ABCB5: variants seen among roughly 807,000 people sequenced by gnomAD.
ABCB5 encodes the protein ATP-binding cassette sub-family B member 5.
In ABCB5, 155 loss-of-function variants were observed where a neutral mutation model predicts 144.2. The observed-to-expected ratio is 1.08, with a 90% confidence interval of 0.94 to 1.23. The LOEUF is 1.23. Among genes scored for constraint, ABCB5 ranks in the 50% most tolerant of loss-of-function variants. The pLI is 0.00. For missense variants in ABCB5, 1,830 were observed against 1,520.8 expected (o/e 1.20, Z -3.38); for synonymous variants, 610 against 528.6 (o/e 1.15, Z -2.11).
At position 20,628,746 on chromosome 7, in the gene ABCB5, T is replaced by TGG. The variant is rs763315019; in HGVS notation, c.168_169dup (p.Val57GlyfsTer9). 4 of 1,613,580 alleles carry TGG rather than the reference T, an allele frequency of 2.5e-6. No homozygotes were observed. In the East Asian group the frequency reaches 8.9e-5, roughly 36 times the overall value. ...ATGATCCTGGGTATACTGGCATCACTGGTCAATGGAGCCTGCCTTCCTTTA... is the reference window on the plus strand; with the variant it reads ...ATGATCCTGGGTATACTGGCATCACTGGGGTCAATGGAGCCTGCCTTCCTTTA... On this transcript the variant is annotated frameshift_variant, in exon 4 of 28. Coordinates refer to ENST00000404938, the MANE Select transcript of ABCB5 (RefSeq NM_001163941.2). LOFTEE classifies it high-confidence loss of function.
intron 12 of ABCB5, 111 bp from the exon 13 acceptor site, chr7:20,651,309 T>A: frequency 1.0e-6 from 1 of 980,188 alleles, no homozygotes. Flanking sequence ...TAGTCAGTCT[T>A]TGATTTCTAA....
chr7:20,755,711 A>G lies in ABCB5; in HGVS notation c.*87A>G. ...TACTTGGCAAGCTTTGATCTCTTTTATTGCATATATCAATACCTAGAATCA... is the reference window on the plus strand; with the variant it reads ...TACTTGGCAAGCTTTGATCTCTTTTGTTGCATATATCAATACCTAGAATCA... On this transcript the variant is annotated 3_prime_UTR_variant, in exon 28 of 28. Coordinates refer to ENST00000404938, the MANE Select transcript of ABCB5 (RefSeq NM_001163941.2). 8.4e-7 allele frequency: 1 copy of G among 1,185,008 alleles called. No individual in the cohort carries two copies. Among genetic ancestry groups the G allele is most frequent in the Admixed American group, 1.9e-5 (1 of 52,324 alleles). The allele number at this position is 1,185,008 out of a possible 1,614,324, so 73.4% of individuals were successfully genotyped here.
Position 20,743,016 on chromosome 7 carries a change from G to C in ABCB5, c.3164G>C (p.Gly1055Ala). ...TVAFVGSSGC[G>A]KSTSVQLLQR... is the part of the protein sequence containing the mutation. ...GCATTTGTGGGGAGCAGCGGCTGTG[G>C]GAAAAGCACTTCTGTTCAACTTCTG... The change falls in exon 25 of 28, where the codon GGG (glycine) becomes GCG (alanine). Residue 1055 changes from glycine (G) to alanine (A), a missense_variant. By Grantham distance (60) the Gly-to-Ala change is moderately conservative (BLOSUM62 0). Coordinates refer to ENST00000404938, the MANE Select transcript of ABCB5 (RefSeq NM_001163941.2). The C allele has an allele frequency of 6.2e-7, 1 of 1,614,100 alleles. No homozygotes were observed. Among genetic ancestry groups the C allele is most frequent in the South Asian group, 1.1e-5 (1 of 91,078 alleles).
chr7:20,731,011 T>A (rs1319955117), intron 23 of ABCB5, among the ~76,000 whole-genome samples: 1 of 152,120 alleles, frequency 6.6e-6, no homozygotes, highest in East Asian at 1.9e-4. Context: ...TCTGTTTTCA[T>A]CAATTTCTCT....
chr7:20,666,893 A>G, intron 14 of ABCB5: 1 of 1,332,068 alleles, frequency 7.5e-7, no homozygotes, highest in Admixed American at 3.8e-5. Flanking sequence ...GCATCAGCTC[A>G]AATTTTCCTG....
In ABCB5 at chr7:20,650,154, G is replaced by A. The variant is rs899491318; in HGVS notation, c.1332+7G>A. 16 of 1,613,188 alleles carry A rather than the reference G, an allele frequency of 9.9e-6. No individual in the cohort carries two copies. Among genetic ancestry groups the A allele is most frequent in the Non-Finnish European group, 1.4e-5 (16 of 1,179,368 alleles). On this transcript the variant is annotated splice_region_variant and intron_variant, in intron 12 of 27. Coordinates refer to ENST00000404938, the MANE Select transcript of ABCB5 (RefSeq NM_001163941.2). ...TGATCCGGATGATGGCTTTGTAAGT[G>A]CAGCTAGCAAAACCATGCACAGTCC...
At chr7:20,619,840 A>G (rs1783770965) in intron 1 of ABCB5, among the ~76,000 whole-genome samples, 1 of 152,258 alleles carries the variant, frequency 6.6e-6, no homozygotes, top group Non-Finnish European at 1.5e-5. Flanking sequence ...ATCAATCTTG[A>G]GTTAATTTTT....
rs565644935 is a variant in ABCB5 at position 20,751,516 on chromosome 7, T to C, written c.3430-1844T>C. 2.6e-5 allele frequency among the ~76,000 whole-genome samples: 4 copies of C among 152,144 alleles called. No homozygotes were observed. In the South Asian group the frequency reaches 6.2e-4, roughly 24 times the overall value. ...ATTTAAAAAAATTAAAAAACCTTCA[T>C]CCAATATGTTCTTTAAACTTACACT... is the stretch of plus-strand genomic sequence containing the variant. On this transcript the variant is annotated intron_variant, in intron 26 of 27. Transcript: ENST00000404938.
intron 16 of ABCB5, among the ~76,000 whole-genome samples, chr7:20,688,023 C>A (rs1786059495): frequency 6.6e-6 from 1 of 152,188 alleles, no homozygotes; most frequent in South Asian, 2.1e-4. Flanking sequence ...GAAACCCTGC[C>A]TCTACTAAAA....
rs528049586 is a variant in ABCB5, at chr7:20,702,442, T to G, written c.2338-2282T>G. On this transcript the variant is annotated intron_variant, in intron 19 of 27. Coordinates refer to ENST00000404938, the MANE Select transcript of ABCB5 (RefSeq NM_001163941.2). The stretch of plus-strand genomic sequence containing the variant: ...GTCCTGGAGCATGAGAAACAGGTCA[T>G]GAAACTCAGCTGTAATTCTTCAGTC... Among the ~76,000 whole-genome samples the G allele has an allele frequency of 5.9e-5, 9 of 152,214 alleles. No individual in the cohort carries two copies. The South Asian group carries it at 1.9e-3, about 32-fold the overall frequency.
At chr7:20,722,963 T>C (rs904604958) in intron 20 of ABCB5, 53 bp from the exon 21 acceptor site, 2 of 1,535,472 alleles carry the variant, frequency 1.3e-6, no homozygotes, top group South Asian at 1.1e-5. Context: ...ATAGGAACTC[T>C]TGTAAATGTA....
intron 14 of ABCB5, chr7:20,659,259 G>C: frequency 6.6e-7 from 1 of 1,506,192 alleles, no homozygotes; most frequent in Non-Finnish European, 8.8e-7. Context: ...TAGGAGGGGA[G>C]TTGGCAGTGG....
chr7:20,730,960 G>T (rs541013209), intron 23 of ABCB5, among the ~76,000 whole-genome samples: 2 of 152,048 alleles, frequency 1.3e-5, no homozygotes, highest in Admixed American at 6.5e-5. Flanking sequence ...ACTAATGTAC[G>T]AGGTTTGATG....
intron 5 of ABCB5, among the ~76,000 whole-genome samples, chr7:20,634,051 C>T (rs1016625515): frequency 6.6e-6 from 1 of 151,964 alleles, no homozygotes; most frequent in African/African-American, 2.4e-5. Context: ...TCTCCAATGT[C>T]TATTATTCCA....
At chr7:20,715,726 C>CTT (rs374393822) in intron 20 of ABCB5, among the ~76,000 whole-genome samples, 32 of 138,774 alleles carry the variant, frequency 2.3e-4, no homozygotes, top group African/African-American at 4.8e-4. Context: ...GAGCTATAAT[C>CTT]TTTTTTTTTT....
At chr7:20,628,377 A>G (rs1416193246) in intron 3 of ABCB5, among the ~76,000 whole-genome samples, 2 of 152,106 alleles carry the variant, frequency 1.3e-5, no homozygotes, top group Non-Finnish European at 2.9e-5. Flanking sequence ...CATGGTGTAT[A>G]TGTGCCATAT....
At chr7:20,665,237 G>C (rs1326237406) in intron 14 of ABCB5, among the ~76,000 whole-genome samples, 2 of 152,114 alleles carry the variant, frequency 1.3e-5, no homozygotes, top group Non-Finnish European at 2.9e-5. Flanking sequence ...GGAAAGAAGG[G>C]TCAACGAGCA....
chr7:20,669,317 C>T (rs1253136468), intron 14 of ABCB5, among the ~76,000 whole-genome samples: 33 of 147,416 alleles, frequency 2.2e-4, no homozygotes, highest in Non-Finnish European at 3.9e-4. Context: ...ATTGAGAAAT[C>T]GGATGGTTGC....
In ABCB5 at chr7:20,727,123, G is replaced by A; in HGVS notation, c.2709G>A (p.Met903Ile). 1 of 1,613,104 alleles carries A rather than the reference G, an allele frequency of 6.2e-7. No individual in the cohort carries two copies. The highest frequency in any genetic ancestry group is 1.1e-5 in the South Asian group (1 of 91,024). The change falls in exon 22 of 28, where the codon ATG (methionine) becomes ATA (isoleucine). Residue 903 changes from methionine to isoleucine, a missense_variant. Coordinates refer to ENST00000404938, the MANE Select transcript of ABCB5 (RefSeq NM_001163941.2). Reference protein sequence around the residue: ...EKAFEQMYEEMLQTQHRNTSK... With the variant: ...EKAFEQMYEEILQTQHRNTSK... ...CCTTCGAGCAAATGTATGAAGAGAT[G>A]CTTCAGACTCAACACAGGTGATTAT...
Sources: allele counts gnomAD v4.1 joint callset (sites outside exome capture counted in the v4.1 genomes callset), GRCh38; gene constraint gnomAD v4.1.1; transcripts MANE v1.5; gene names NCBI Gene and HGNC (gene_info 2026-07-23, HGNC 2026-07-21).